Variants in LMO7 observed in about 807,000 individuals in gnomAD.
LMO7 encodes the protein LIM domain only protein 7.
Under a neutral mutation model 206.5 loss-of-function variants are expected in LMO7, and 120 were observed. The ratio of observed to expected loss-of-function variants is 0.58; its 90% confidence interval spans 0.50 to 0.68. LMO7 has a LOEUF of 0.68. Among genes scored for constraint, LMO7 ranks in the 30% least tolerant of loss-of-function variants. LMO7 has a pLI of 0.00. For missense variants in LMO7, 1,959 were observed against 1,957.9 expected (o/e 1.00, Z -0.01); for synonymous variants, 706 against 681.5 (o/e 1.04, Z -0.56).
At position 75,858,188 on chromosome 13, in the gene LMO7, T is replaced by G; in HGVS notation, c.*245T>G. 2.6e-6 allele frequency: 1 copy of G among 386,428 alleles called. No individual in the cohort carries two copies. The highest frequency in any genetic ancestry group is 2.1e-5 in the African/African-American group (1 of 48,222). 23.9% of individuals were successfully genotyped at this position (386,428 alleles called of 1,614,324 possible). On this transcript the variant is annotated 3_prime_UTR_variant, in exon 31 of 31. Coordinates refer to ENST00000377534, the MANE Select transcript of LMO7 (RefSeq NM_001306080.2). ...TATTTACCTGTTGAATTCAGCATCT[T>G]GAGAGCACAAGGGAAAAAATAAGAA...
chr13:75,737,362 A>T (rs1214542309), intron 3 of LMO7, among the ~76,000 whole-genome samples: 1 of 152,122 alleles, frequency 6.6e-6, no homozygotes, highest in African/African-American at 2.4e-5. Context: ...TTGTTGCCTT[A>T]AGCCACCTGG....
chr13:75,656,005 C>T (rs969426841), intron 1 of LMO7, among the ~76,000 whole-genome samples: 8 of 152,170 alleles, frequency 5.3e-5, no homozygotes, highest in Non-Finnish European at 7.3e-5. Context: ...GGAGATGTCT[C>T]TGCTCCTAGG....
chr13:75,665,531 A>T (rs1250480661), intron 1 of LMO7, among the ~76,000 whole-genome samples: 2 of 148,118 alleles, frequency 1.4e-5, no homozygotes. Flanking sequence ...CCTAGTCTAC[A>T]TTTTTTTTTT....
chr13:75,760,638 C>G, intron 3 of LMO7: 2 of 1,466,274 alleles, frequency 1.4e-6, no homozygotes, highest in Non-Finnish European at 1.8e-6. Context: ...GATTACTGCT[C>G]AGTGGCTAGG....
chr13:75,813,845 A>G (rs1252194505), intron 11 of LMO7, among the ~76,000 whole-genome samples: 1 of 152,194 alleles, frequency 6.6e-6, no homozygotes, highest in Admixed American at 6.5e-5. Flanking sequence ...TCAAAAGATT[A>G]TTAAAATATT....
At chr13:75,670,584 A>G (rs2039474028) in intron 1 of LMO7, among the ~76,000 whole-genome samples, 1 of 152,198 alleles carries the variant, frequency 6.6e-6, no homozygotes. Flanking sequence ...CTAAACATAG[A>G]AAAGGTACAG....
At chr13:75,690,510 T>G (rs1247861807) in intron 1 of LMO7, among the ~76,000 whole-genome samples, 1 of 152,188 alleles carries the variant, frequency 6.6e-6, no homozygotes, top group Non-Finnish European at 1.5e-5. Flanking sequence ...TTTGAATAAA[T>G]AAAGTACTTG....
chr13:75,644,959 C>G (rs17064828), intron 1 of LMO7, among the ~76,000 whole-genome samples: 1 of 152,106 alleles, frequency 6.6e-6, no homozygotes, highest in Non-Finnish European at 1.5e-5. Flanking sequence ...CAATTGCCGA[C>G]TTTAGGTTTA....
At chr13:75,658,677 G>GACC (rs538042261) in intron 1 of LMO7, among the ~76,000 whole-genome samples, 131 of 152,168 alleles carry the variant, frequency 8.6e-4, no homozygotes, top group African/African-American at 3.1e-3. Context: ...TGCGCCTCCT[G>GACC]ACCTCACACC....
intron 1 of LMO7, among the ~76,000 whole-genome samples, chr13:75,647,437 ATTTAC>A (rs1258841961): frequency 2.6e-5 from 4 of 152,182 alleles, no homozygotes; most frequent in Non-Finnish European, 5.9e-5. Flanking sequence ...ACCATGCCAA[ATTTAC>A]TTTATTTAAC....
chr13:75,713,269 T>C lies in LMO7; in HGVS notation c.140+17T>C. On this transcript the variant is annotated intron_variant, in intron 2 of 30. Transcript: ENST00000377534. ...GCTGTGTGAGTAAGTATTTAAAGTA[T>C]TTAAAAAATAATTCAAAAGCAAAGA... is the stretch of plus-strand genomic sequence containing the variant. 6.3e-7 allele frequency: 1 copy of C among 1,580,324 alleles called. No individual in the cohort carries two copies.
At chr13:75,822,781 T>C (rs986444886) in intron 14 of LMO7, among the ~76,000 whole-genome samples, 1 of 120,016 alleles carries the variant, frequency 8.3e-6, no homozygotes, top group African/African-American at 2.8e-5. Context: ...TATATATATA[T>C]ATATATATAT....
chr13:75,685,610 CA>C (rs11311240), intron 1 of LMO7, among the ~76,000 whole-genome samples: 41,173 of 151,940 alleles, frequency 0.27, 6,114 homozygotes, highest in East Asian at 0.49. Context: ...TTGTTTATAC[CA>C]AAATGGCTGC....
intron 1 of LMO7, among the ~76,000 whole-genome samples, chr13:75,678,175 G>T (rs1255560779): frequency 6.6e-6 from 1 of 152,088 alleles, no homozygotes; most frequent in Non-Finnish European, 1.5e-5. Flanking sequence ...GGATTGCTGG[G>T]TCAAATGATA....
rs372218694 is a variant in LMO7 at position 75,853,343 on chromosome 13, G to A, written c.4616G>A (p.Ser1539Asn). The A allele has an allele frequency of 2.2e-5, 35 of 1,612,632 alleles. No homozygotes were observed. The highest frequency in any genetic ancestry group is 1.7e-4 in the Middle Eastern group (1 of 6,020). Residue 1539 changes from serine to asparagine, a missense_variant, in exon 28 of 31, where the codon AGC becomes AAC. Physicochemically the swap from Ser to Asn is conservative, Grantham distance 46. Transcript: ENST00000377534. ...ACCACACAGTCCCCCACCCCGAGAA[G>A]CCATTCCCCTTCAGCTTCACAGTCA... ...VATTQSPTPR[S>N]HSPSASQSGS... is the part of the protein sequence containing the mutation.
intron 1 of LMO7, among the ~76,000 whole-genome samples, chr13:75,645,648 G>A (rs764587524): frequency 3.3e-5 from 5 of 152,124 alleles, no homozygotes; most frequent in African/African-American, 4.8e-5. Context: ...ATTGCCTCTG[G>A]ACCAGTATCA....
intron 3 of LMO7, among the ~76,000 whole-genome samples, chr13:75,735,252 C>G (rs116709289): frequency 6.6e-6 from 1 of 151,848 alleles, no homozygotes. Context: ...GTCCCACCCC[C>G]ACTCACCCCC....
intron 1 of LMO7, among the ~76,000 whole-genome samples, chr13:75,667,012 T>A (rs2039134080): frequency 6.6e-6 from 1 of 152,134 alleles, no homozygotes; most frequent in Non-Finnish European, 1.5e-5. Flanking sequence ...TACTCTTAGG[T>A]TTTTGATGTC....
chr13:75,628,955 C>T (rs938153189), intron 2 of LMO7, among the ~76,000 whole-genome samples: 1 of 152,218 alleles, frequency 6.6e-6, no homozygotes, highest in Non-Finnish European at 1.5e-5. Context: ...AAGCCAGTTT[C>T]TTTGTGTAGA....
Sources: gnomAD v4.1 joint callset for allele counts (sites outside exome capture counted in the v4.1 genomes callset) on GRCh38, gnomAD v4.1.1 for gene constraint, MANE v1.5 for transcripts, NCBI Gene and HGNC (gene_info 2026-07-23, HGNC 2026-07-21) for gene names.